Variants in ZSWIM6 observed in about 807,000 individuals in gnomAD.
ZSWIM6 encodes the protein zinc finger SWIM domain-containing protein 6.
A neutral mutation model predicts 113.2 loss-of-function variants in ZSWIM6; 9 were observed. That is an observed-to-expected ratio of 0.08 (90% CI 0.05 to 0.14). The LOEUF is 0.14. Ranked by LOEUF, ZSWIM6 falls within the 10% of genes least tolerant of loss-of-function variation. The pLI, the probability that ZSWIM6 is intolerant of heterozygous loss-of-function variation, is 1.00. For synonymous variants in ZSWIM6, 611 were observed against 606.5 expected (o/e 1.01, Z -0.11); for missense variants, 1,162 against 1,552.2 (o/e 0.75, Z 4.22).
intron 2 of ZSWIM6, among the ~76,000 whole-genome samples, chr5:61,482,015 G>A (rs1747878047): frequency 6.6e-6 from 1 of 152,110 alleles, no homozygotes; most frequent in African/African-American, 2.4e-5. Context: ...TTCAGATTCT[G>A]GTTCCTGCCC....
intron 1 of ZSWIM6, among the ~76,000 whole-genome samples, chr5:61,456,799 T>G (rs967178025): frequency 7.9e-5 from 12 of 152,180 alleles, no homozygotes; most frequent in African/African-American, 2.9e-4. Flanking sequence ...TTATTGTATC[T>G]TTTCTTCTAT....
rs371258956 is a variant in ZSWIM6, at chr5:61,452,880, TA to T, written c.677-19800del. Among the ~76,000 whole-genome samples the T allele has an allele frequency of 1.7e-3, 253 of 152,342 alleles. 1 individual carries two copies. The highest frequency in any genetic ancestry group is 5.8e-3 in the African/African-American group (240 of 41,582). ...TAGTTTTCTCCAGTCTACAACAACT[TA>T]TCTGTCTTTCCTTGTCTTTTATGAC... On this transcript the variant is annotated intron_variant, in intron 1 of 13. Coordinates refer to ENST00000252744, the MANE Select transcript of ZSWIM6 (RefSeq NM_020928.2).
intron 10 of ZSWIM6, among the ~76,000 whole-genome samples, chr5:61,537,122 G>C (rs1216187223): frequency 1.3e-5 from 2 of 152,160 alleles, no homozygotes; most frequent in African/African-American, 4.8e-5. Flanking sequence ...CAAAGTTTAA[G>C]GGTAAAATAG....
intron 1 of ZSWIM6, among the ~76,000 whole-genome samples, chr5:61,441,430 T>C (rs1746831647): frequency 6.6e-6 from 1 of 152,178 alleles, no homozygotes; most frequent in Non-Finnish European, 1.5e-5. Flanking sequence ...ATAAGCTCAA[T>C]CTTTGCCTTA....
At chr5:61,388,901 A>G (rs1052520828) in intron 1 of ZSWIM6, among the ~76,000 whole-genome samples, 2 of 152,198 alleles carry the variant, frequency 1.3e-5, no homozygotes, top group African/African-American at 4.8e-5. Context: ...TTTTGAACTT[A>G]GTTCATGAGT....
intron 7 of ZSWIM6, 66 bp downstream of exon 7, chr5:61,526,462 G>A (rs1443655835): frequency 6.6e-7 from 1 of 1,515,316 alleles, no homozygotes; most frequent in Admixed American, 2.3e-5. Context: ...TAGGTTTTGT[G>A]TTCTGGGAGA....
chr5:61,405,525 C>T (rs1005003960), intron 1 of ZSWIM6, among the ~76,000 whole-genome samples: 1 of 152,074 alleles, frequency 6.6e-6, no homozygotes, highest in Non-Finnish European at 1.5e-5. Context: ...ACAGAGGTGG[C>T]ATTTGAGCTG....
At chr5:61,398,997 A>C (rs1054219430) in intron 1 of ZSWIM6, among the ~76,000 whole-genome samples, 2 of 131,264 alleles carry the variant, frequency 1.5e-5, no homozygotes, top group Non-Finnish European at 3.1e-5. Context: ...ATCTCTGCTC[A>C]CTGCAACCTC....
chr5:61,448,943 A>G (rs547201180), intron 1 of ZSWIM6, among the ~76,000 whole-genome samples: 25 of 152,350 alleles, frequency 1.6e-4, no homozygotes, highest in African/African-American at 6.0e-4. Context: ...GCTGCCTGCA[A>G]GGAGAACCTG....
intron 1 of ZSWIM6, among the ~76,000 whole-genome samples, chr5:61,446,103 T>G (rs944079314): frequency 3.3e-5 from 5 of 152,198 alleles, no homozygotes; most frequent in African/African-American, 1.2e-4. Context: ...CTTGGCTCAC[T>G]GCAACCTCCA....
chr5:61,494,401 G>T lies in ZSWIM6; in HGVS notation c.1324G>T (p.Asp442Tyr). The change falls in exon 4 of 14, where the codon GAT (aspartate) becomes TAT (tyrosine). Residue 442 changes from aspartate to tyrosine, a missense_variant. Physicochemically the swap from Asp to Tyr is radical, Grantham distance 160 (BLOSUM62 -3). Around this residue, in one of 4 missense-constraint regions of ZSWIM6, gnomAD observed 620 missense variants for 804.6 expected, o/e 0.77. Transcript: ENST00000252744. Reference protein sequence around the residue: ...AMTDKYRQLWDELGALWMCIV... With the variant: ...AMTDKYRQLWYELGALWMCIV... ...GACTGACAAATACAGGCAGCTCTGG[G>T]ATGAGCTGGGTAAGCATGTTTCCTC... The T allele has an allele frequency of 6.4e-7, 1 of 1,550,902 alleles. No individual in the cohort carries two copies. The highest frequency in any genetic ancestry group is 8.7e-7 in the Non-Finnish European group (1 of 1,146,476).
chr5:61,477,394 G>T (rs1164797993), intron 2 of ZSWIM6, among the ~76,000 whole-genome samples: 1 of 152,180 alleles, frequency 6.6e-6, no homozygotes, highest in South Asian at 2.1e-4. Context: ...ATTGGATGAG[G>T]GTTGGCACAT....
intron 1 of ZSWIM6, among the ~76,000 whole-genome samples, chr5:61,462,564 T>C (rs1033361825): frequency 2.0e-5 from 3 of 152,232 alleles, no homozygotes; most frequent in Admixed American, 6.5e-5. Context: ...CCATAGTCCA[T>C]TATTGTAGTA....
At chr5:61,393,784 G>T (rs1745781284) in intron 1 of ZSWIM6, among the ~76,000 whole-genome samples, 1 of 152,064 alleles carries the variant, frequency 6.6e-6, no homozygotes, top group East Asian at 1.9e-4. Context: ...TGTGCATCCA[G>T]TAGGGCAAAA....
chr5:61,465,058 C>T (rs1158009229), intron 1 of ZSWIM6, among the ~76,000 whole-genome samples: 1 of 152,162 alleles, frequency 6.6e-6, no homozygotes, highest in African/African-American at 2.4e-5. Context: ...AGAGGAAGGG[C>T]TGCAGGGCTG....
intron 1 of ZSWIM6, among the ~76,000 whole-genome samples, chr5:61,437,717 CAAA>C (rs1177075747): frequency 8.8e-5 from 5 of 56,852 alleles, no homozygotes; most frequent in Admixed American, 2.1e-4. Flanking sequence ...ACCCTTTCTC[CAAA>C]AAAAAAAAAA....
intron 1 of ZSWIM6, among the ~76,000 whole-genome samples, chr5:61,358,416 GA>G (rs2112049558): frequency 6.6e-6 from 1 of 152,230 alleles, no homozygotes; most frequent in African/African-American, 2.4e-5. Context: ...ATAAGAAATG[GA>G]AGCCTAAGAA....
In ZSWIM6 at chr5:61,382,933, A is replaced by G. The variant is rs557080032; in HGVS notation, c.676+49985A>G. Among the ~76,000 whole-genome samples, 20 of 152,382 alleles carry G rather than the reference A, an allele frequency of 1.3e-4. No homozygotes were observed. The East Asian group carries it at 3.7e-3, about 28-fold the overall frequency. ...TAAGATACAGAATGTCCGCAAAGTC[A>G]GAGAACATAGGATGCATTTAAATAA... On this transcript the variant is annotated intron_variant, in intron 1 of 13. Transcript: ENST00000252744.
chr5:61,481,518 C>A (rs13163970), intron 2 of ZSWIM6, among the ~76,000 whole-genome samples: 56,945 of 151,634 alleles, frequency 0.38, 10,839 homozygotes, highest in South Asian at 0.43. Context: ...TTTTTATCCC[C>A]AGCAAAGATT....
Sources: gnomAD v4.1 joint callset for allele counts (sites outside exome capture counted in the v4.1 genomes callset) on GRCh38, gnomAD v4.1.1 for gene constraint, gnomAD v4.1.1 regional missense constraint, MANE v1.5 for transcripts, NCBI Gene and HGNC (gene_info 2026-07-23, HGNC 2026-07-21) for gene names.